Variants in TASP1 observed in about 807,000 individuals in gnomAD.
The protein encoded by TASP1 is threonine aspartase 1.
In TASP1, 16 loss-of-function variants were observed where a neutral mutation model predicts 56.6. The ratio of observed to expected loss-of-function variants is 0.28; its 90% CI spans 0.19 to 0.43. TASP1 has a LOEUF of 0.43. TASP1 is among the 20% of genes least tolerant of loss of function. The pLI is 1.00. For synonymous variants in TASP1, 179 were observed against 184.2 expected (o/e 0.97, Z 0.23); for missense variants, 393 against 511.6 (o/e 0.77, Z 2.24).
intron 9 of TASP1, among the ~76,000 whole-genome samples, chr20:13,532,722 G>T (rs1037631183): frequency 6.6e-6 from 1 of 152,066 alleles, no homozygotes; most frequent in Non-Finnish European, 1.5e-5. Context: ...TTGCCATTTT[G>T]CTAACCAAAA....
In TASP1 at chr20:13,620,332, C is replaced by G. The variant is rs574544800; in HGVS notation, c.282+3114G>C. 1.1e-4 allele frequency among the ~76,000 whole-genome samples: 16 copies of G among 151,738 alleles called. No homozygotes were observed. In the South Asian group the frequency reaches 3.3e-3, roughly 32 times the overall value. On this transcript the variant is annotated intron_variant, in intron 4 of 13. Transcript: ENST00000337743. The stretch of plus-strand genomic sequence containing the variant: ...TACACATATTTCTTTTGCCTTGTCT[C>G]TTCCTCTTCCCCATGCATGGAGTTA...
At chr20:13,575,567 G>A (rs141484273) in intron 6 of TASP1, among the ~76,000 whole-genome samples, 9 of 152,132 alleles carry the variant, frequency 5.9e-5, no homozygotes, top group African/African-American at 1.7e-4. Context: ...CAGCCATGTC[G>A]AACTGTGAGT....
intron 12 of TASP1, among the ~76,000 whole-genome samples, chr20:13,419,466 C>T (rs2042365379): frequency 6.6e-6 from 1 of 152,134 alleles, no homozygotes; most frequent in South Asian, 2.1e-4. Flanking sequence ...TGCAAACATC[C>T]AGGGATGCCC....
chr20:13,146,298 A>T, the TASP1 span, among the ~76,000 whole-genome samples: 1 of 152,146 alleles, frequency 6.6e-6, no homozygotes, highest in Non-Finnish European at 1.5e-5. Context: ...GGGAGGAGGG[A>T]GAGGAGCAGA....
At chr20:13,637,849 G>A (rs1568681961) in intron 1 of TASP1, among the ~76,000 whole-genome samples, 1 of 152,146 alleles carries the variant, frequency 6.6e-6, no homozygotes, top group Non-Finnish European at 1.5e-5. Context: ...ATGAGAAAAA[G>A]CACTGAAATT....
chr20:13,252,894 AT>A, the TASP1 span, among the ~76,000 whole-genome samples: 1 of 152,022 alleles, frequency 6.6e-6, no homozygotes, highest in Non-Finnish European at 1.5e-5. Flanking sequence ...CTGACAGATA[AT>A]TTCTCCTCTC....
the TASP1 span, among the ~76,000 whole-genome samples, chr20:13,312,061 GAATT>G: frequency 0.24 from 36,202 of 151,878 alleles, 4,671 homozygotes; most frequent in African/African-American, 0.31. Flanking sequence ...TGTCAGTTAA[GAATT>G]AATTAACTTT....
the TASP1 span, among the ~76,000 whole-genome samples, chr20:13,306,035 G>T: frequency 1.3e-5 from 2 of 152,076 alleles, no homozygotes; most frequent in African/African-American, 4.8e-5. Context: ...TGTTCTGGGA[G>T]TAATAAATGT....
At chr20:13,576,146 G>T (rs6109956) in intron 6 of TASP1, among the ~76,000 whole-genome samples, 2 of 146,744 alleles carry the variant, frequency 1.4e-5, no homozygotes, top group Non-Finnish European at 3.0e-5. Flanking sequence ...AGACTGCAGC[G>T]AGCCGAGATC....
chr20:13,329,317 G>T, the TASP1 span, among the ~76,000 whole-genome samples: 5 of 152,164 alleles, frequency 3.3e-5, no homozygotes, highest in Admixed American at 3.3e-4. Context: ...TATGACTGGT[G>T]TAAGAAGAAA....
At chr20:13,520,704 T>C (rs189761242) in intron 10 of TASP1, among the ~76,000 whole-genome samples, 413 of 152,294 alleles carry the variant, frequency 2.7e-3, no homozygotes, top group Non-Finnish European at 4.0e-3. Flanking sequence ...ATTCAGGACA[T>C]AGGCAAGGGC....
At chr20:13,216,222 G>C in the TASP1 span, among the ~76,000 whole-genome samples, 1 of 152,208 alleles carries the variant, frequency 6.6e-6, no homozygotes. Flanking sequence ...CCATGTGAGA[G>C]TGATAGTTGA....
At chr20:13,431,240 T>C (rs1600768855) in intron 12 of TASP1, among the ~76,000 whole-genome samples, 1 of 152,318 alleles carries the variant, frequency 6.6e-6, no homozygotes, top group Admixed American at 6.5e-5. Context: ...TTTATAGTTA[T>C]ACTCTTATGA....
chr20:13,407,874 C>T (rs1009978672), intron 13 of TASP1, among the ~76,000 whole-genome samples: 15 of 152,184 alleles, frequency 9.9e-5, no homozygotes, highest in Admixed American at 7.8e-4. Flanking sequence ...ATTTGTATAT[C>T]GTCTTTAGAA....
intron 6 of TASP1, among the ~76,000 whole-genome samples, chr20:13,576,362 A>G (rs967862875): frequency 1.7e-5 from 2 of 121,094 alleles, no homozygotes; most frequent in African/African-American, 3.0e-5. Context: ...AGAAAGAAAG[A>G]AAGAAAGAAA....
chr20:13,611,024 A>C (rs1009703197), intron 4 of TASP1, among the ~76,000 whole-genome samples: 1 of 152,216 alleles, frequency 6.6e-6, no homozygotes, highest in African/African-American at 2.4e-5. Context: ...CCCTGGAAAA[A>C]AAATTAGATG....
the TASP1 span, among the ~76,000 whole-genome samples, chr20:13,178,573 A>G: frequency 6.6e-6 from 1 of 152,138 alleles, no homozygotes; most frequent in Non-Finnish European, 1.5e-5. Context: ...ACCATCAAAA[A>G]GAATGAAATC....
chr20:13,253,095 CT>C, the TASP1 span, among the ~76,000 whole-genome samples: 1 of 152,218 alleles, frequency 6.6e-6, no homozygotes, highest in Non-Finnish European at 1.5e-5. Context: ...AGGCCTGTTG[CT>C]GCTCCATTTG....
At chr20:13,497,503 G>GA (rs1474457245) in intron 10 of TASP1, among the ~76,000 whole-genome samples, 1 of 152,196 alleles carries the variant, frequency 6.6e-6, no homozygotes, top group African/African-American at 2.4e-5. Flanking sequence ...GAGAAAGAGA[G>GA]AAATTCCCCC....
Sources: allele counts gnomAD v4.1 joint callset (sites outside exome capture counted in the v4.1 genomes callset), GRCh38; gene constraint gnomAD v4.1.1; transcripts MANE v1.5; gene names NCBI Gene and HGNC (gene_info 2026-07-23, HGNC 2026-07-21).